Variants in PDS5B observed in about 807,000 individuals in gnomAD.
The protein encoded by PDS5B is sister chromatid cohesion protein PDS5 homolog B.
PDS5B carries 51 observed loss-of-function variants against 184.1 expected under a neutral mutation model. The ratio of observed to expected loss-of-function variants is 0.28; its 90% confidence interval spans 0.22 to 0.35. The LOEUF is 0.35. PDS5B is among the 10% of genes least tolerant of loss of function. The probability of loss-of-function intolerance (pLI) is 1.00; values close to 1 mark genes in which losing one functional copy is unlikely to be tolerated. For missense variants in PDS5B, 1,180 were observed against 1,723.3 expected (o/e 0.68, Z 5.58); for synonymous variants, 566 against 569.2 (o/e 0.99, Z 0.08).
chr13:32,626,039 C>A (rs1036400580), intron 1 of PDS5B, among the ~76,000 whole-genome samples: 1 of 152,038 alleles, frequency 6.6e-6, no homozygotes, highest in Non-Finnish European at 1.5e-5. Flanking sequence ...GGGGTTTTGC[C>A]ATGTTGGCCA....
intron 1 of PDS5B, among the ~76,000 whole-genome samples, chr13:32,602,782 C>T (rs962406433): frequency 5.3e-5 from 8 of 152,094 alleles, no homozygotes; most frequent in Non-Finnish European, 1.2e-4. Context: ...TTTTAAAGAT[C>T]GCCATTCTAA....
At chr13:32,670,148 G>A (rs1425967955) in intron 7 of PDS5B, among the ~76,000 whole-genome samples, 1 of 143,168 alleles carries the variant, frequency 7.0e-6, no homozygotes, top group Non-Finnish European at 1.5e-5. Context: ...TTTTTTATTC[G>A]ATAGTATTTC....
rs1954939455 is a variant in PDS5B at position 32,775,775 on chromosome 13, GAAGA to G, written c.*728_*731del. Reference sequence around the variant, plus strand: ...CCTTTCATGGCAATGAAAATTTTAAGAAGAAAGATTTAAAGTATTTTAATTTTAA... The same window carrying G: ...CCTTTCATGGCAATGAAAATTTTAAGAAGATTTAAAGTATTTTAATTTTAA... On this transcript the variant is annotated 3_prime_UTR_variant, in exon 35 of 35. Transcript: ENST00000315596. 1 of 387,552 alleles carries G rather than the reference GAAGA, an allele frequency of 2.6e-6. No homozygotes were observed. The highest frequency in any genetic ancestry group is 1.9e-5 in the South Asian group (1 of 51,892). The allele number at this position is 387,552 out of a possible 1,614,324, so 24.0% of individuals were successfully genotyped here. A position where few individuals can be genotyped will look rare whatever the true frequency, so the allele number is the denominator to read the frequency against.
intron 6 of PDS5B, among the ~76,000 whole-genome samples, chr13:32,662,066 C>T (rs1950664801): frequency 6.6e-6 from 1 of 152,096 alleles, no homozygotes; most frequent in African/African-American, 2.4e-5. Context: ...TGAACATAAT[C>T]TGGGTGATTA....
At position 32,679,911 on chromosome 13, in the gene PDS5B, G is replaced by GTGTGTGTGTGTC. The variant is rs1042339754; in HGVS notation, c.1057+987_1057+988insGTGTGTCTGTGT. 3.4e-3 allele frequency among the ~76,000 whole-genome samples: 506 copies of GTGTGTGTGTGTC among 150,472 alleles called. 3 individuals carry two copies. Among genetic ancestry groups the GTGTGTGTGTGTC allele is most frequent in the African/African-American group, 0.012 (472 of 40,312 alleles). ...TGTGTGTGTGTGTGTGTGTGTGTGT[G>GTGTGTGTGTGTC]TGTGTCTGTTTCTACACCTCCCCTT... On this transcript the variant is annotated intron_variant, in intron 10 of 34. Transcript: ENST00000315596.
chr13:32,689,077 T>A (rs948464128), intron 13 of PDS5B: 8 of 157,918 alleles, frequency 5.1e-5, no homozygotes, highest in African/African-American at 1.9e-4. Flanking sequence ...CTTTTGGGTG[T>A]TTAGGTAAGG....
chr13:32,707,547 T>A (rs530033337), intron 18 of PDS5B, among the ~76,000 whole-genome samples: 2 of 150,668 alleles, frequency 1.3e-5, no homozygotes, highest in Non-Finnish European at 1.5e-5. Flanking sequence ...CAATTTTGTA[T>A]CCTTAACTAT....
chr13:32,675,037 G>A (rs998644377), intron 8 of PDS5B, among the ~76,000 whole-genome samples: 1 of 151,492 alleles, frequency 6.6e-6, no homozygotes, highest in Non-Finnish European at 1.5e-5. Flanking sequence ...AGAAATAATA[G>A]AGATGAGTTA....
intron 24 of PDS5B, among the ~76,000 whole-genome samples, chr13:32,749,720 T>A (rs1953903761): frequency 6.6e-6 from 1 of 152,164 alleles, no homozygotes; most frequent in Admixed American, 6.5e-5. Flanking sequence ...AATGGTAGTT[T>A]TGAGATACTT....
At chr13:32,739,409 CTTATG>C (rs2140968082) in intron 21 of PDS5B, among the ~76,000 whole-genome samples, 1 of 152,260 alleles carries the variant, frequency 6.6e-6, no homozygotes, top group South Asian at 2.1e-4. Context: ...TCTCACACAA[CTTATG>C]TTAGGCACTA....
At chr13:32,774,072 G>A (rs1411409455) in intron 34 of PDS5B, among the ~76,000 whole-genome samples, 2 of 152,036 alleles carry the variant, frequency 1.3e-5, no homozygotes, top group Non-Finnish European at 2.9e-5. Context: ...CAAAGTGGTG[G>A]GATTACAGGC....
chr13:32,766,171 G>A (rs1321010266), intron 31 of PDS5B, among the ~76,000 whole-genome samples: 4 of 152,176 alleles, frequency 2.6e-5, no homozygotes, highest in Non-Finnish European at 1.5e-5. Context: ...AGCTCATGAT[G>A]TATTTCATTT....
Position 32,687,293 on chromosome 13 carries a change from A to G in PDS5B, c.1355+8A>G, listed in dbSNP as rs745763622. 1.3e-6 allele frequency: 2 copies of G among 1,534,774 alleles called. No homozygotes were observed. Among genetic ancestry groups the G allele is most frequent in the Non-Finnish European group, 1.8e-6 (2 of 1,136,588 alleles). On this transcript the variant is annotated splice_region_variant and intron_variant, in intron 12 of 34. Transcript: ENST00000315596. ...AAATAGTATTGATGATCGGTAAGTT[A>G]AGGACACTATAAATATTTGGTGACT...
chr13:32,732,827 A>G (rs1953171941), intron 20 of PDS5B, among the ~76,000 whole-genome samples: 1 of 152,180 alleles, frequency 6.6e-6, no homozygotes, highest in African/African-American at 2.4e-5. Context: ...CAGAAAATTC[A>G]TAAAATCCTA....
intron 17 of PDS5B, among the ~76,000 whole-genome samples, chr13:32,704,262 G>T (rs897284181): frequency 2.0e-5 from 3 of 151,942 alleles, no homozygotes; most frequent in Non-Finnish European, 1.5e-5. Context: ...TCCACCTGCT[G>T]TGATCAAGCA....
At chr13:32,604,848 A>G (rs2058035541) in intron 1 of PDS5B, among the ~76,000 whole-genome samples, 2 of 151,626 alleles carry the variant, frequency 1.3e-5, no homozygotes, top group African/African-American at 2.4e-5. Context: ...TAGATTTTCT[A>G]GTTTATTTGC....
At chr13:32,606,816 A>G (rs534667430) in intron 1 of PDS5B, among the ~76,000 whole-genome samples, 2 of 152,086 alleles carry the variant, frequency 1.3e-5, no homozygotes, top group East Asian at 3.9e-4. Context: ...CATTCATTTG[A>G]TCTTCAATCA....
intron 1 of PDS5B, among the ~76,000 whole-genome samples, chr13:32,636,059 G>A (rs1488711430): frequency 1.3e-5 from 2 of 151,994 alleles, no homozygotes; most frequent in East Asian, 3.9e-4. Context: ...GTGAGCCACC[G>A]CTCCCGGCCT....
At chr13:32,773,897 A>G (rs528291332) in intron 34 of PDS5B, among the ~76,000 whole-genome samples, 136 of 152,230 alleles carry the variant, frequency 8.9e-4, no homozygotes, top group Middle Eastern at 3.4e-3. Context: ...TCTGCCTCCC[A>G]GATTCAAGCA....
Sources: gnomAD v4.1 joint callset for allele counts (sites outside exome capture counted in the v4.1 genomes callset) on GRCh38, gnomAD v4.1.1 for gene constraint, MANE v1.5 for transcripts, NCBI Gene and HGNC (gene_info 2026-07-23, HGNC 2026-07-21) for gene names.